The following NCKAP5 variants were observed in gnomAD, a reference collection of about 807,000 sequenced individuals.
NCKAP5 encodes nck-associated protein 5.
NCKAP5 carries 92 observed loss-of-function variants against 167.0 expected under a neutral mutation model. The observed-to-expected ratio is 0.55, with a 90% CI of 0.47 to 0.66. The LOEUF (loss-of-function observed/expected upper bound fraction) is 0.66, where lower values mean the gene tolerates loss of function less well. NCKAP5 is among the 30% of genes least tolerant of loss of function. The probability of loss-of-function intolerance (pLI) is 0.00; values close to 1 mark genes in which losing one functional copy is unlikely to be tolerated. For synonymous variants in NCKAP5, 891 were observed against 877.4 expected, an observed-to-expected ratio of 1.02 and a Z score of -0.27; for missense variants, 2,378 against 2,315.0, an observed-to-expected ratio of 1.03 and a Z score of -0.56.
Position 133,136,688 on chromosome 2 carries a change from T to C in NCKAP5, c.208-6577A>G, listed in dbSNP as rs79281370. On this transcript the variant is annotated intron_variant, in intron 5 of 19. Transcript: ENST00000409261. Reference sequence around the variant, plus strand: ...GTACTCTTGGATAATAAGAGGATCTTAAGGTAAGAAATGAATAGAGGCCAT... The same window carrying C: ...GTACTCTTGGATAATAAGAGGATCTCAAGGTAAGAAATGAATAGAGGCCAT... Among the ~76,000 whole-genome samples, 930 of 152,278 alleles carry C rather than the reference T, an allele frequency of 6.1e-3. 3 individuals are homozygous for C. The highest frequency in any genetic ancestry group is 0.021 in the African/African-American group (875 of 41,552).
chr2:133,633,254 C>T, the NCKAP5 span, among the ~76,000 whole-genome samples: 693 of 152,316 alleles, frequency 4.5e-3, 3 homozygotes, highest in African/African-American at 0.016. Context: ...ACCTCCACAA[C>T]TGCTTCCCGA....
the NCKAP5 span, among the ~76,000 whole-genome samples, chr2:133,575,476 C>G: frequency 2.0e-5 from 3 of 152,184 alleles, no homozygotes; most frequent in Non-Finnish European, 4.4e-5. Context: ...GAAGTTATTG[C>G]TAGCTTCCAC....
chr2:132,782,563 G>A lies in NCKAP5; in HGVS notation c.4248C>T (p.Pro1416=). The part of the protein sequence containing the change: ...EPGSDRRSCP[P]TPTDCPEALQ... ...GGGCTTCAGGGCAGTCTGTTGGGGTGGGTGGGCAACTGCGGCGGTCACTGC... is the reference window on the plus strand; with the variant it reads ...GGGCTTCAGGGCAGTCTGTTGGGGTAGGTGGGCAACTGCGGCGGTCACTGC... The change falls in exon 14 of 20, where the codon CCC becomes CCT. Residue 1416 remains proline, a synonymous_variant. Coordinates refer to ENST00000409261, the MANE Select transcript of NCKAP5 (RefSeq NM_207363.3). 6.3e-7 allele frequency: 1 copy of A among 1,585,348 alleles called. No homozygotes were observed. The highest frequency in any genetic ancestry group is 8.6e-7 in the Non-Finnish European group (1 of 1,165,732).
chr2:133,428,513 C>A (rs541402219), intron 3 of NCKAP5, among the ~76,000 whole-genome samples: 2 of 152,086 alleles, frequency 1.3e-5, no homozygotes, highest in East Asian at 3.9e-4. Context: ...CAAAACAAAA[C>A]CCTGAAAAGC....
At chr2:133,512,919 G>A (rs964186400) in intron 3 of NCKAP5, among the ~76,000 whole-genome samples, 1 of 152,138 alleles carries the variant, frequency 6.6e-6, no homozygotes, top group Non-Finnish European at 1.5e-5. Flanking sequence ...TCTTCCCAGA[G>A]TGACCTCAGC....
At chr2:133,500,963 T>C (rs772803264) in intron 3 of NCKAP5, among the ~76,000 whole-genome samples, 15 of 152,218 alleles carry the variant, frequency 9.9e-5, no homozygotes, top group Non-Finnish European at 1.5e-4. Flanking sequence ...GGGAACACTT[T>C]GATGGCTGGA....
chr2:133,211,993 G>C (rs1020789679), intron 5 of NCKAP5, among the ~76,000 whole-genome samples: 1 of 152,170 alleles, frequency 6.6e-6, no homozygotes, highest in African/African-American at 2.4e-5. Context: ...TTCAAGGCCT[G>C]TTCTTCCTGT....
intron 6 of NCKAP5, among the ~76,000 whole-genome samples, chr2:133,125,900 A>G (rs781449740): frequency 1.3e-5 from 2 of 152,132 alleles, no homozygotes; most frequent in Non-Finnish European, 2.9e-5. Flanking sequence ...TTATAGCCTA[A>G]TCAGAGGTCA....
chr2:132,919,302 C>G (rs764690269), intron 8 of NCKAP5, among the ~76,000 whole-genome samples: 3 of 152,082 alleles, frequency 2.0e-5, no homozygotes, highest in Non-Finnish European at 4.4e-5. Flanking sequence ...ATTACCCTGC[C>G]ACAGAGAATA....
chr2:132,984,781 A>C (rs1427031454), intron 7 of NCKAP5, among the ~76,000 whole-genome samples: 2 of 151,838 alleles, frequency 1.3e-5, no homozygotes, highest in African/African-American at 2.4e-5. Flanking sequence ...AAAAAACAAA[A>C]GACAGTTTTT....
At chr2:132,940,101 T>A (rs147834743) in intron 8 of NCKAP5, among the ~76,000 whole-genome samples, 1,564 of 152,342 alleles carry the variant, frequency 0.01, 11 homozygotes, top group Non-Finnish European at 0.013. Flanking sequence ...CTTTGCATCC[T>A]CATAGCTTAG....
intron 8 of NCKAP5, among the ~76,000 whole-genome samples, chr2:132,908,850 G>A (rs924491057): frequency 6.6e-6 from 1 of 152,088 alleles, no homozygotes; most frequent in Non-Finnish European, 1.5e-5. Flanking sequence ...GGATCCCTAT[G>A]GCATAATTCT....
chr2:133,152,779 G>A (rs553504739), intron 5 of NCKAP5, among the ~76,000 whole-genome samples: 1 of 152,276 alleles, frequency 6.6e-6, no homozygotes, highest in East Asian at 1.9e-4. Context: ...GTGATCCCAT[G>A]AGATTATAGT....
intron 9 of NCKAP5, among the ~76,000 whole-genome samples, chr2:132,875,809 G>A (rs1477153802): frequency 1.3e-5 from 2 of 152,200 alleles, no homozygotes; most frequent in African/African-American, 4.8e-5. Context: ...TGAGAGATGA[G>A]ATAGGGAGCA....
At chr2:133,532,326 G>A (rs1320435753) in intron 2 of NCKAP5, among the ~76,000 whole-genome samples, 2 of 152,100 alleles carry the variant, frequency 1.3e-5, no homozygotes, top group Non-Finnish European at 2.9e-5. Flanking sequence ...TGGCATCCTT[G>A]GATCAGAGGC....
chr2:133,076,037 A>T (rs2080588550), intron 6 of NCKAP5, among the ~76,000 whole-genome samples: 1 of 152,194 alleles, frequency 6.6e-6, no homozygotes, highest in South Asian at 2.1e-4. Context: ...AATCAAAAGA[A>T]AGTTGGGCAA....
At chr2:133,420,666 A>G (rs763837251) in intron 3 of NCKAP5, among the ~76,000 whole-genome samples, 46 of 152,188 alleles carry the variant, frequency 3.0e-4, no homozygotes, top group South Asian at 1.0e-3. Context: ...AAAGGGAAAT[A>G]ATATTTTTGG....
intron 8 of NCKAP5, among the ~76,000 whole-genome samples, chr2:132,914,984 T>G (rs917998133): frequency 2.2e-4 from 29 of 131,526 alleles, no homozygotes; most frequent in African/African-American, 1.0e-3. Flanking sequence ...CAAGTAAAGC[T>G]ATGGCCAAAA....
intron 6 of NCKAP5, among the ~76,000 whole-genome samples, chr2:133,031,447 G>A (rs972033709): frequency 5.9e-5 from 9 of 152,184 alleles, no homozygotes; most frequent in Admixed American, 6.5e-5. Flanking sequence ...CCAGCTGTTG[G>A]AACTTGAGTG....
Sources: allele counts gnomAD v4.1 joint callset (sites outside exome capture counted in the v4.1 genomes callset), GRCh38; gene constraint gnomAD v4.1.1; transcripts MANE v1.5; gene names NCBI Gene and HGNC (gene_info 2026-07-23, HGNC 2026-07-21).